The following USP32 variants were observed in gnomAD, a reference collection of about 807,000 sequenced individuals.
USP32 encodes ubiquitin carboxyl-terminal hydrolase 32.
Under a neutral mutation model 204.8 loss-of-function variants are expected in USP32, and 59 were observed. That is an observed-to-expected ratio of 0.29 (90% CI 0.23 to 0.36). The LOEUF (loss-of-function observed/expected upper bound fraction) is 0.36, where lower values mean the gene tolerates loss of function less well. USP32 is among the 10% of genes least tolerant of loss of function. USP32 has a pLI of 1.00. For missense variants in USP32, 1,160 were observed against 1,946.4 expected (o/e 0.60, Z 7.60); for synonymous variants, 517 against 678.4 (o/e 0.76, Z 3.70).
intron 1 of USP32, among the ~76,000 whole-genome samples, chr17:60,385,159 T>A (rs970769266): frequency 1.3e-5 from 2 of 152,204 alleles, no homozygotes; most frequent in Non-Finnish European, 2.9e-5. Flanking sequence ...CTTTGTGAAA[T>A]TCCTTCTCCT....
At position 60,208,176 on chromosome 17, in the gene USP32, A is replaced by G. The variant is rs780038364; in HGVS notation, c.2808T>C (p.Tyr936=). The G allele has an allele frequency of 6.9e-5, 110 of 1,593,184 alleles. No homozygotes were observed. The highest frequency in any genetic ancestry group is 8.9e-5 in the Non-Finnish European group (104 of 1,169,158). ...TTTCATCCATATTCAGTCTTAGTCC[A>G]TACCGTACAGGGGTAGTACCATCTA... ...IKLDGTTPVR[Y]GLRLNMDEKY... is the part of the protein sequence containing the mutation. The change falls in exon 24 of 34, where the codon TAT becomes TAC. Residue 936 remains tyrosine, a synonymous_variant. Transcript: ENST00000300896.
At position 60,248,855 on chromosome 17, in the gene USP32, G is replaced by C. The variant is rs116764230; in HGVS notation, c.1136+3526C>G. Among the ~76,000 whole-genome samples the C allele has an allele frequency of 9.5e-3, 1,445 of 152,152 alleles. 32 individuals carry two copies. Among genetic ancestry groups the C allele is most frequent in the African/African-American group, 0.033 (1,389 of 41,512 alleles). ...TTCTTTGTTTTTTCCTCGTATATGG[G>C]TCACATTTTCCTGTTTTATTCCATG... On this transcript the variant is annotated intron_variant, in intron 11 of 33. Coordinates refer to ENST00000300896, the MANE Select transcript of USP32 (RefSeq NM_032582.4).
intron 1 of USP32, among the ~76,000 whole-genome samples, chr17:60,385,498 T>C (rs796899768): frequency 3.3e-5 from 5 of 152,062 alleles, no homozygotes; most frequent in African/African-American, 9.7e-5. Context: ...TGAGCCAAGA[T>C]TGCGCCACTA....
At chr17:60,204,461 A>G (rs1454818845) in intron 26 of USP32, among the ~76,000 whole-genome samples, 4 of 149,006 alleles carry the variant, frequency 2.7e-5, no homozygotes, top group Admixed American at 6.7e-5. Context: ...CTGGCTTAGG[A>G]GATACTTTTT....
At chr17:60,316,080 G>A (rs1005649778) in intron 2 of USP32, 8 of 224,000 alleles carry the variant, frequency 3.6e-5, no homozygotes, top group Non-Finnish European at 7.1e-5. Flanking sequence ...CCAGAATACA[G>A]TTACTGGTGC....
At chr17:60,369,423 T>TAAAA (rs11348474) in intron 1 of USP32, among the ~76,000 whole-genome samples, 11 of 85,120 alleles carry the variant, frequency 1.3e-4, no homozygotes, top group African/African-American at 3.7e-4. Flanking sequence ...GACCCCTACC[T>TAAAA]AAAAAAAAAA....
Position 60,391,901 on chromosome 17 carries a change from G to A in USP32, c.39C>T (p.Tyr13=), listed in dbSNP as rs1484506690. 6.2e-7 allele frequency: 1 copy of A among 1,608,336 alleles called. No homozygotes were observed. Among genetic ancestry groups the A allele is most frequent in the Non-Finnish European group, 8.5e-7 (1 of 1,178,070 alleles). The change falls in exon 1 of 34, where the codon TAC becomes TAT. Residue 13 remains tyrosine (Y), a synonymous_variant. Transcript: ENST00000300896. ...AKESRIGFLS[Y]EEALRRVTDV... ...CCTCACCTCTCCTCAGCGCCTCCTC[G>A]TAGCTGAGGAATCCGATCCGTGACT... is the stretch of plus-strand genomic sequence containing the variant.
At chr17:60,384,235 G>A (rs772171875) in intron 1 of USP32, among the ~76,000 whole-genome samples, 4 of 152,196 alleles carry the variant, frequency 2.6e-5, no homozygotes, top group Non-Finnish European at 5.9e-5. Flanking sequence ...TTTTCATAAT[G>A]TAATCTCTCC....
chr17:60,400,144 T>C (rs535246489), intron 1 of USP32, among the ~76,000 whole-genome samples: 2 of 152,256 alleles, frequency 1.3e-5, no homozygotes, highest in East Asian at 3.9e-4. Context: ...TTTGTATTTT[T>C]AGTAGAAACG....
intron 31 of USP32, among the ~76,000 whole-genome samples, chr17:60,182,932 G>A (rs909897688): frequency 6.6e-6 from 1 of 152,200 alleles, no homozygotes; most frequent in Non-Finnish European, 1.5e-5. Context: ...TACTCTCCAT[G>A]TGTCACTCTC....
At chr17:60,333,704 A>T (rs2088445717) in intron 2 of USP32, among the ~76,000 whole-genome samples, 1 of 145,066 alleles carries the variant, frequency 6.9e-6, no homozygotes. Context: ...AGGAGAGGAG[A>T]GGGGAGGGGG....
intron 1 of USP32, among the ~76,000 whole-genome samples, chr17:60,411,280 C>G (rs1229694668): frequency 6.6e-6 from 1 of 151,596 alleles, no homozygotes; most frequent in African/African-American, 2.4e-5. Context: ...GCCGAGATTG[C>G]CCGATTGCAC....
chr17:60,238,884 G>C (rs1345382586), intron 11 of USP32, among the ~76,000 whole-genome samples: 2 of 152,048 alleles, frequency 1.3e-5, no homozygotes, highest in African/African-American at 4.8e-5. Flanking sequence ...AGGTGGGAGG[G>C]AGTTTGAGGT....
At chr17:60,421,589 A>G in intron 1 of USP32, 1 of 984,428 alleles carries the variant, frequency 1.0e-6, no homozygotes, top group Non-Finnish European at 1.2e-6. Flanking sequence ...GAGTGAGGAA[A>G]CTGCGGGGGC....
At chr17:60,326,471 C>G (rs1457714621) in intron 2 of USP32, among the ~76,000 whole-genome samples, 1 of 152,050 alleles carries the variant, frequency 6.6e-6, no homozygotes, top group Non-Finnish European at 1.5e-5. Context: ...CAACCATGCT[C>G]GGCTAATTTT....
intron 21 of USP32, among the ~76,000 whole-genome samples, chr17:60,209,978 T>C (rs2084918233): frequency 6.6e-6 from 1 of 152,016 alleles, no homozygotes; most frequent in African/African-American, 2.4e-5. Flanking sequence ...TATATAATAA[T>C]ACATAACATG....
intron 26 of USP32, among the ~76,000 whole-genome samples, chr17:60,200,424 G>A (rs2084647156): frequency 6.6e-6 from 1 of 151,698 alleles, no homozygotes; most frequent in Admixed American, 6.6e-5. Context: ...GCCAGGCGTG[G>A]TGCCGCATGC....
At position 60,181,559 on chromosome 17, in the gene USP32, A is replaced by T. The variant is rs2084112975; in HGVS notation, c.4313T>A (p.Ile1438Lys). The change falls in exon 32 of 34, where the codon ATA (isoleucine) becomes AAA (lysine). Residue 1438 changes from isoleucine to lysine, a missense_variant. Transcript: ENST00000300896. ...DASKENGAGQ[I>K]CELADALSRG... ...ACTCAAGGCGTCAGCCAGCTCACAT[A>T]TCTGCCCAGCCCCATTTTCTTTGCT... is the stretch of plus-strand genomic sequence containing the variant. 6 of 1,613,970 alleles carry T rather than the reference A, an allele frequency of 3.7e-6. No individual in the cohort carries two copies. The East Asian group carries it at 1.3e-4, about 36-fold the overall frequency.
chr17:60,230,039 C>T (rs748548257), intron 12 of USP32, among the ~76,000 whole-genome samples: 9 of 152,114 alleles, frequency 5.9e-5, no homozygotes, highest in Non-Finnish European at 1.0e-4. Context: ...GTCTTGAACC[C>T]CTGACCTCAG....
Sources: gnomAD v4.1 joint callset for allele counts (sites outside exome capture counted in the v4.1 genomes callset) on GRCh38, gnomAD v4.1.1 for gene constraint, MANE v1.5 for transcripts, NCBI Gene and HGNC (gene_info 2026-07-23, HGNC 2026-07-21) for gene names.